Variants in LSAMP observed in about 807,000 individuals in gnomAD.
LSAMP encodes the protein limbic system-associated membrane protein.
In LSAMP, 7 loss-of-function variants were observed where a neutral mutation model predicts 38.6. The ratio of observed to expected loss-of-function variants is 0.18; its 90% CI spans 0.10 to 0.34. The LOEUF (loss-of-function observed/expected upper bound fraction) is 0.34. Ranked by LOEUF, LSAMP falls within the 10% of genes least tolerant of loss-of-function variation. The probability of loss-of-function intolerance (pLI) is 1.00; values close to 1 mark genes in which losing one functional copy is unlikely to be tolerated. For synonymous variants in LSAMP, 154 were observed against 166.8 expected (o/e 0.92, Z 0.59); for missense variants, 313 against 420.0 (o/e 0.75, Z 2.23).
intron 1 of LSAMP, among the ~76,000 whole-genome samples, chr3:116,216,587 A>G (rs1247518584): frequency 1.3e-5 from 2 of 152,152 alleles, no homozygotes; most frequent in Non-Finnish European, 2.9e-5. Context: ...TTGTAATAAT[A>G]TAATGCATGA....
intron 1 of LSAMP, among the ~76,000 whole-genome samples, chr3:116,341,166 T>C (rs943205104): frequency 2.0e-5 from 3 of 151,920 alleles, no homozygotes; most frequent in African/African-American, 7.2e-5. Flanking sequence ...TATAGAAATA[T>C]CAGCAAACTC....
chr3:116,003,720 C>T (rs1940067662), intron 3 of LSAMP, among the ~76,000 whole-genome samples: 1 of 152,070 alleles, frequency 6.6e-6, no homozygotes, highest in Non-Finnish European at 1.5e-5. Context: ...GATACAAAAA[C>T]ACAGAAGACA....
intron 1 of LSAMP, 94 bp downstream of exon 1, chr3:116,444,783 A>C: frequency 6.8e-7 from 1 of 1,480,926 alleles, no homozygotes; most frequent in Admixed American, 1.9e-5. Context: ...GTTCAAGGAG[A>C]TCAGACACAC....
intron 1 of LSAMP, among the ~76,000 whole-genome samples, chr3:116,213,432 C>T (rs1158965285): frequency 2.0e-5 from 3 of 152,200 alleles, no homozygotes; most frequent in Non-Finnish European, 4.4e-5. Context: ...AGCCTTCTGC[C>T]ATGATTGTGA....
intron 3 of LSAMP, among the ~76,000 whole-genome samples, chr3:115,868,110 C>T (rs1935912973): frequency 6.6e-6 from 1 of 152,164 alleles, no homozygotes; most frequent in African/African-American, 2.4e-5. Context: ...AAGGCATCTT[C>T]TGCACATCAG....
intron 1 of LSAMP, among the ~76,000 whole-genome samples, chr3:116,152,108 G>A (rs189365025): frequency 6.6e-6 from 1 of 151,946 alleles, no homozygotes; most frequent in African/African-American, 2.4e-5. Context: ...TTCTGATCAG[G>A]TCTGACATAA....
intron 1 of LSAMP, among the ~76,000 whole-genome samples, chr3:116,162,715 G>T (rs564670801): frequency 1.2e-3 from 180 of 148,772 alleles, no homozygotes; most frequent in African/African-American, 4.2e-3. Flanking sequence ...TAAAGTGAAA[G>T]CAAAGTGTGT....
chr3:116,388,429 A>G (rs13098368), intron 1 of LSAMP, among the ~76,000 whole-genome samples: 14,246 of 152,198 alleles, frequency 0.094, 762 homozygotes, highest in Middle Eastern at 0.14. Context: ...TCAAAGGCAC[A>G]TTACTCTGGA....
At chr3:116,115,801 T>G (rs912183052) in intron 1 of LSAMP, among the ~76,000 whole-genome samples, 4 of 151,894 alleles carry the variant, frequency 2.6e-5, no homozygotes, top group Admixed American at 1.3e-4. Context: ...TCCAAAATGA[T>G]TTCTGGTCCT....
chr3:116,356,918 C>T lies in LSAMP; in HGVS notation c.155+87959G>A, dbSNP rs1307213255. On this transcript the variant is annotated intron_variant, in intron 1 of 6. Transcript: ENST00000490035. ...ACGCCATTCTCCTGCCTCAGCCTCCCGAGTAGCTGGGACTACAGGCGCCCG... is the reference window on the plus strand; with the variant it reads ...ACGCCATTCTCCTGCCTCAGCCTCCTGAGTAGCTGGGACTACAGGCGCCCG... Among the ~76,000 whole-genome samples, 5 of 152,202 alleles carry T rather than the reference C, an allele frequency of 3.3e-5. No individual in the cohort carries two copies. The East Asian group carries it at 7.7e-4, about 24-fold the overall frequency.
At chr3:115,838,808 C>G (rs921521544) in intron 6 of LSAMP, among the ~76,000 whole-genome samples, 1 of 152,202 alleles carries the variant, frequency 6.6e-6, no homozygotes, top group Admixed American at 6.5e-5. Flanking sequence ...TGTATGTATG[C>G]ATGTGACTGC....
chr3:115,842,503 G>A lies in LSAMP; in HGVS notation c.725C>T (p.Ser242Leu), dbSNP rs1363555271. Residue 242 changes from serine (S) to leucine (L), a missense_variant, in exon 5 of 7, where the codon TCG becomes TTG. Ser to Leu is a moderately radical substitution (Grantham distance 145). Transcript: ENST00000490035. ...CTCAAAGTCAGGTGCAGGCACTGCC[G>A]AGGCCTCACATTTGAGTGAAGCTTG... ...GRQASLKCEA[S>L]AVPAPDFEWY... The A allele has an allele frequency of 2.5e-6, 4 of 1,613,796 alleles. No individual in the cohort carries two copies. The highest frequency in any genetic ancestry group is 1.1e-5 in the South Asian group (1 of 91,054).
intron 3 of LSAMP, among the ~76,000 whole-genome samples, chr3:115,920,518 G>A (rs566632900): frequency 1.2e-4 from 18 of 152,214 alleles, no homozygotes; most frequent in Non-Finnish European, 2.1e-4. Flanking sequence ...TCAGAGAAAT[G>A]TCTATTCCAG....
intron 1 of LSAMP, among the ~76,000 whole-genome samples, chr3:116,407,897 A>C (rs2048918240): frequency 6.6e-6 from 1 of 152,034 alleles, no homozygotes; most frequent in Non-Finnish European, 1.5e-5. Flanking sequence ...CTACAAACAG[A>C]GTCAGGCTCT....
chr3:116,097,696 C>A (rs1708254725), intron 1 of LSAMP, among the ~76,000 whole-genome samples: 2 of 151,434 alleles, frequency 1.3e-5, no homozygotes, highest in Non-Finnish European at 1.5e-5. Flanking sequence ...GTAAAAGAGA[C>A]AAAGATAAAG....
At chr3:116,007,839 G>A (rs1276130222) in intron 3 of LSAMP, among the ~76,000 whole-genome samples, 2 of 152,152 alleles carry the variant, frequency 1.3e-5, no homozygotes, top group African/African-American at 2.4e-5. Flanking sequence ...CTTTGCATCA[G>A]AATCACCTGA....
chr3:116,001,098 T>G (rs1321857365), intron 3 of LSAMP, among the ~76,000 whole-genome samples: 1 of 152,106 alleles, frequency 6.6e-6, no homozygotes, highest in African/African-American at 2.4e-5. Context: ...CTTCTGTGCT[T>G]CAATGGTACA....
intron 1 of LSAMP, among the ~76,000 whole-genome samples, chr3:116,207,777 G>A (rs1397947113): frequency 6.6e-6 from 1 of 152,116 alleles, no homozygotes; most frequent in Non-Finnish European, 1.5e-5. Context: ...GAGATCAGCT[G>A]TTAGTCTGAT....
At chr3:115,829,498 C>T (rs555992586) in intron 6 of LSAMP, among the ~76,000 whole-genome samples, 34 of 152,262 alleles carry the variant, frequency 2.2e-4, no homozygotes, top group African/African-American at 7.9e-4. Context: ...GTAACAAAGT[C>T]CTTGTTTCTG....
Sources: gnomAD v4.1 joint callset for allele counts (sites outside exome capture counted in the v4.1 genomes callset) on GRCh38, gnomAD v4.1.1 for gene constraint, MANE v1.5 for transcripts, NCBI Gene and HGNC (gene_info 2026-07-23, HGNC 2026-07-21) for gene names.